GATAD2A: variants seen among roughly 807,000 people sequenced by gnomAD.
GATAD2A encodes GATA zinc finger domain containing 2A.
Under a neutral mutation model 68.5 loss-of-function variants are expected in GATAD2A, and 12 were observed. The observed-to-expected ratio is 0.18, with a 90% CI of 0.11 to 0.28. GATAD2A has a LOEUF of 0.28. Among genes scored for constraint, GATAD2A ranks in the 10% least tolerant of loss-of-function variants. GATAD2A has a pLI of 1.00. For synonymous variants in GATAD2A, 410 were observed against 375.3 expected (o/e 1.09, Z -1.07); for missense variants, 755 against 868.5 (o/e 0.87, Z 1.64).
chr19:19,476,686 C>T (rs1374149801), intron 2 of GATAD2A, among the ~76,000 whole-genome samples: 4 of 152,230 alleles, frequency 2.6e-5, no homozygotes, highest in East Asian at 3.9e-4. Context: ...GGGCAGTGGG[C>T]GCCAGGCCTT....
chr19:19,480,486 A>G (rs2058979370), intron 2 of GATAD2A, among the ~76,000 whole-genome samples: 1 of 152,234 alleles, frequency 6.6e-6, no homozygotes, highest in Non-Finnish European at 1.5e-5. Flanking sequence ...ATGAAGCACC[A>G]GGCTTTGCAT....
At chr19:19,420,441 C>T (rs1244850335) in intron 1 of GATAD2A, among the ~76,000 whole-genome samples, 10 of 150,522 alleles carry the variant, frequency 6.6e-5, no homozygotes, top group African/African-American at 9.8e-5. Context: ...CCGCCATTCT[C>T]CTGCCTCAGC....
chr19:19,498,807 A>G, intron 8 of GATAD2A, 85 bp downstream of exon 8: 2 of 1,207,812 alleles, frequency 1.7e-6, no homozygotes. Flanking sequence ...CACACAGCAG[A>G]GGCTGGGGCA....
At chr19:19,422,054 T>C (rs1317179845) in intron 1 of GATAD2A, among the ~76,000 whole-genome samples, 2 of 152,148 alleles carry the variant, frequency 1.3e-5, no homozygotes. Flanking sequence ...AACTCCTAAC[T>C]TCAGGTGATC....
intron 1 of GATAD2A, among the ~76,000 whole-genome samples, chr19:19,410,659 C>T (rs967452046): frequency 2.6e-5 from 4 of 152,206 alleles, no homozygotes; most frequent in Non-Finnish European, 4.4e-5. Context: ...AGCAGCTCCT[C>T]CTGTGCCAAG....
chr19:19,500,493 C>T (rs1000278514), intron 8 of GATAD2A, among the ~76,000 whole-genome samples: 3 of 152,144 alleles, frequency 2.0e-5, no homozygotes, highest in Admixed American at 6.5e-5. Flanking sequence ...ACCTCACGCC[C>T]GAGCACATGC....
chr19:19,389,550 G>T (rs1255226150), intron 1 of GATAD2A, among the ~76,000 whole-genome samples: 2 of 152,182 alleles, frequency 1.3e-5, no homozygotes, highest in African/African-American at 4.8e-5. Flanking sequence ...CTGGGGAGAA[G>T]TGCTTGGAGA....
At chr19:19,505,221 T>G in intron 11 of GATAD2A, 123 bp from the exon 12 acceptor site, 1 of 876,440 alleles carries the variant, frequency 1.1e-6, no homozygotes, top group Admixed American at 2.5e-5. Context: ...TGTGGGTGGG[T>G]TTGCAAGGGC....
intron 1 of GATAD2A, among the ~76,000 whole-genome samples, chr19:19,450,438 C>T (rs950157624): frequency 2.6e-5 from 4 of 152,078 alleles, no homozygotes; most frequent in Non-Finnish European, 4.4e-5. Flanking sequence ...CTTCAGGGAA[C>T]GCTGGTGCTC....
chr19:19,484,646 G>T (rs2059311437), intron 2 of GATAD2A, among the ~76,000 whole-genome samples: 1 of 145,744 alleles, frequency 6.9e-6, no homozygotes, highest in African/African-American at 2.6e-5. Context: ...CCATTCTCCT[G>T]CCTCAGCCTC....
chr19:19,452,911 A>G (rs1390478284), intron 1 of GATAD2A, among the ~76,000 whole-genome samples: 2 of 152,080 alleles, frequency 1.3e-5, no homozygotes, highest in South Asian at 2.1e-4. Context: ...CGTCCCCTCA[A>G]AACCAGGTAA....
At chr19:19,448,835 T>C (rs2056052620) in intron 1 of GATAD2A, among the ~76,000 whole-genome samples, 1 of 152,092 alleles carries the variant, frequency 6.6e-6, no homozygotes, top group African/African-American at 2.4e-5. Flanking sequence ...CTGTGATCAG[T>C]TTAGGTGTGC....
In GATAD2A at chr19:19,506,006, G is replaced by T. The variant is rs1406726943; in HGVS notation, c.*532G>T. ...TTTTTTTAATCACCTCATGATGATGGAGTTAAAAGTAAACCGTGCAGACCC... is the reference window on the plus strand; with the variant it reads ...TTTTTTTAATCACCTCATGATGATGTAGTTAAAAGTAAACCGTGCAGACCC... On this transcript the variant is annotated 3_prime_UTR_variant, in exon 12 of 12. Coordinates refer to ENST00000683918, the MANE Select transcript of GATAD2A (RefSeq NM_001384528.1). 2.5e-6 allele frequency: 1 copy of T among 398,704 alleles called. No homozygotes were observed. The highest frequency in any genetic ancestry group is 4.4e-6 in the Non-Finnish European group (1 of 226,138). The allele number at this position is 398,704 out of a possible 1,614,324, so 24.7% of individuals were successfully genotyped here.
In GATAD2A at chr19:19,447,508, C is replaced by T. The variant is rs893806546; in HGVS notation, c.-6-17832C>T. On this transcript the variant is annotated intron_variant, in intron 1 of 11. Coordinates refer to ENST00000683918, the MANE Select transcript of GATAD2A (RefSeq NM_001384528.1). The stretch of plus-strand genomic sequence containing the variant: ...TGGTGTGGGTGTCTATACACAGACT[C>T]CTCCCACCCCTGAGGGGAAGAGTTC... 2.0e-5 allele frequency among the ~76,000 whole-genome samples: 3 copies of T among 152,198 alleles called. 1 individual carries two copies. Among genetic ancestry groups the T allele is most frequent in the South Asian group, 4.1e-4 (2 of 4,830 alleles).
In GATAD2A at chr19:19,465,437, T is replaced by C. The variant is rs1568310680; in HGVS notation, c.92T>C (p.Met31Thr). Residue 31 changes from methionine to threonine, a missense_variant, in exon 2 of 12, where the codon ATG becomes ACG. Coordinates refer to ENST00000683918, the MANE Select transcript of GATAD2A (RefSeq NM_001384528.1). ...GATGTGGAGAGCAAGAAAATAAAAATGGAGAGAGGATTGTTGGCTTCAGAT... is the reference window on the plus strand; with the variant it reads ...GATGTGGAGAGCAAGAAAATAAAAACGGAGAGAGGATTGTTGGCTTCAGAT... ...EDDVESKKIK[M>T]ERGLLASDLN... is the part of the protein sequence containing the mutation. 1.2e-6 allele frequency: 2 copies of C among 1,613,564 alleles called. No homozygotes were observed. Among genetic ancestry groups the C allele is most frequent in the Non-Finnish European group, 1.7e-6 (2 of 1,179,680 alleles).
chr19:19,459,676 G>A (rs1488819032), intron 1 of GATAD2A, among the ~76,000 whole-genome samples: 1 of 152,220 alleles, frequency 6.6e-6, no homozygotes, highest in Admixed American at 6.5e-5. Flanking sequence ...GGAAGAAGGG[G>A]CAGTGGCATC....
At chr19:19,437,727 C>T (rs2054530869) in intron 1 of GATAD2A, among the ~76,000 whole-genome samples, 1 of 152,176 alleles carries the variant, frequency 6.6e-6, no homozygotes, top group South Asian at 2.1e-4. Flanking sequence ...CGTGGTTCAT[C>T]CACATTGTAA....
intron 1 of GATAD2A, chr19:19,429,233 C>T (rs944656342): frequency 9.3e-5 from 92 of 985,026 alleles, no homozygotes; most frequent in Non-Finnish European, 1.1e-4. Context: ...GTTCCAGCAT[C>T]GTGGTCCATG....
chr19:19,449,991 T>C (rs2056198932), intron 1 of GATAD2A, among the ~76,000 whole-genome samples: 2 of 149,932 alleles, frequency 1.3e-5, no homozygotes, highest in African/African-American at 5.1e-5. Flanking sequence ...GGTCTTGCTA[T>C]GTTGCCCAGG....
Sources: gnomAD v4.1 joint callset for allele counts (sites outside exome capture counted in the v4.1 genomes callset) on GRCh38, gnomAD v4.1.1 for gene constraint, MANE v1.5 for transcripts, NCBI Gene and HGNC (gene_info 2026-07-23, HGNC 2026-07-21) for gene names.